The following CEP295 variants were observed in gnomAD, a reference collection of about 807,000 sequenced individuals.
CEP295 encodes the protein centrosomal protein 295, also known as centrosomal protein of 295 kDa.
Under a neutral mutation model 291.6 loss-of-function variants are expected in CEP295, and 190 were observed. The ratio of observed to expected loss-of-function variants is 0.65; its 90% CI spans 0.58 to 0.73. The LOEUF is 0.73. Ranked by LOEUF, CEP295 falls within the 30% of genes least tolerant of loss-of-function variation. The pLI, the probability that CEP295 is intolerant of heterozygous loss-of-function variation, is 0.00. For missense variants in CEP295, 2,863 were observed against 2,949.4 expected (o/e 0.97, Z 0.68); for synonymous variants, 993 against 1,038.8 (o/e 0.96, Z 0.85).
rs141170790 is a variant in CEP295, at chr11:93,687,130, G to T, written c.1115-514G>T. On this transcript the variant is annotated intron_variant, in intron 9 of 29. Coordinates refer to ENST00000325212, the MANE Select transcript of CEP295 (RefSeq NM_033395.2). ...TGAAGGGATCTCTGTGTGAAGATGG[G>T]TGGGAGACATTTTTCCCAGATAGTG... Among the ~76,000 whole-genome samples the T allele has an allele frequency of 2.1e-3, 320 of 152,248 alleles. 3 individuals are homozygous for T. In the South Asian group the frequency reaches 0.026, roughly 12 times the overall value.
intron 9 of CEP295, among the ~76,000 whole-genome samples, chr11:93,685,477 A>G (rs1591017803): frequency 6.6e-6 from 1 of 152,176 alleles, no homozygotes. Context: ...GGCCTTATTC[A>G]TGTCTCCTAT....
chr11:93,706,733 T>C lies in CEP295; in HGVS notation c.5597-12T>C, dbSNP rs1274800638. 5 of 1,504,118 alleles carry C rather than the reference T, an allele frequency of 3.3e-6. No homozygotes were observed. Among genetic ancestry groups the C allele is most frequent in the Non-Finnish European group, 4.4e-6 (5 of 1,125,396 alleles). The allele number at this position is 1,504,118 out of a possible 1,614,324, so 93.2% of individuals were successfully genotyped here. A position where few individuals can be genotyped will look rare whatever the true frequency, so the allele number is the denominator to read the frequency against. On this transcript the variant is annotated splice_polypyrimidine_tract_variant and intron_variant, in intron 17 of 29. Transcript: ENST00000325212. Reference sequence around the variant, plus strand: ...TCCAGAAATTGAAGTGGAAATATTTTTTCCCCCCCAGGTAAACCAGGTATT... The same window carrying C: ...TCCAGAAATTGAAGTGGAAATATTTCTTCCCCCCCAGGTAAACCAGGTATT...
intron 18 of CEP295, among the ~76,000 whole-genome samples, chr11:93,709,002 T>C (rs1323740494): frequency 6.6e-6 from 1 of 152,240 alleles, no homozygotes; most frequent in Admixed American, 6.5e-5. Flanking sequence ...AATTAGATTT[T>C]TTCCTACAGA....
At chr11:93,728,956 T>G in intron 25 of CEP295, 135 bp downstream of exon 25, 2 of 707,606 alleles carry the variant, frequency 2.8e-6, no homozygotes, top group Non-Finnish European at 4.5e-6. Flanking sequence ...CCACCAGCTC[T>G]CAATTTGTCT....
intron 12 of CEP295, among the ~76,000 whole-genome samples, 152 bp downstream of exon 12, chr11:93,692,182 G>T (rs78876349): frequency 6.6e-6 from 1 of 152,192 alleles, no homozygotes; most frequent in Admixed American, 6.5e-5. Flanking sequence ...GATAAAATGC[G>T]TGTTGTCTTT....
intron 22 of CEP295, 53 bp downstream of exon 22, chr11:93,724,428 C>T: frequency 6.7e-7 from 1 of 1,503,120 alleles, no homozygotes; most frequent in Non-Finnish European, 9.0e-7. Flanking sequence ...TAGTTTTAAG[C>T]CATTTCTTCT....
chr11:93,674,906 TTAACA>T (rs1950618213), intron 5 of CEP295, among the ~76,000 whole-genome samples: 1 of 152,232 alleles, frequency 6.6e-6, no homozygotes, highest in East Asian at 1.9e-4. Context: ...TGTGTAATGT[TTAACA>T]CATAGTAGGC....
rs1047139900 is a variant in CEP295 at position 93,698,702 on chromosome 11, C to G, written c.3790C>G (p.Leu1264Val). ...QDNLEEHQAW[L>V]DTEKEAFHFS... Reference sequence around the variant, plus strand: ...TAATTTGGAGGAACACCAAGCATGGCTAGACACTGAGAAAGAAGCCTTTCA... The same window carrying G: ...TAATTTGGAGGAACACCAAGCATGGGTAGACACTGAGAAAGAAGCCTTTCA... The change falls in exon 15 of 30, where the codon CTA (leucine) becomes GTA (valine). Residue 1264 changes from leucine to valine, a missense_variant. This residue lies in a region of CEP295 where 2,295 missense variants were observed against 2,335.7 expected (regional missense o/e 0.98). Transcript: ENST00000325212. The G allele has an allele frequency of 6.4e-7, 1 of 1,551,250 alleles. No individual in the cohort carries two copies. The highest frequency in any genetic ancestry group is 1.2e-5 in the South Asian group (1 of 84,058).
chr11:93,707,166 C>A (rs1238993421), intron 18 of CEP295, among the ~76,000 whole-genome samples: 1 of 151,848 alleles, frequency 6.6e-6, no homozygotes, highest in African/African-American at 2.4e-5. Flanking sequence ...TATGTTTAAG[C>A]CTATTTGTAA....
At chr11:93,689,664 A>G (rs559824007) in intron 10 of CEP295, among the ~76,000 whole-genome samples, 64 of 151,814 alleles carry the variant, frequency 4.2e-4, no homozygotes, top group African/African-American at 1.5e-3. Flanking sequence ...CTTTCCCCCC[A>G]TAGCTCTTAT....
Position 93,699,283 on chromosome 11 carries a change from T to C in CEP295, c.4371T>C (p.Ile1457=), listed in dbSNP as rs1952012159. 1 of 1,551,874 alleles carries C rather than the reference T, an allele frequency of 6.4e-7. No individual in the cohort carries two copies. Residue 1457 remains isoleucine, a synonymous_variant, in exon 15 of 30, where the codon ATT becomes ATC. Transcript: ENST00000325212. The part of the protein sequence containing the change: ...HLVLPQQDNL[I]ALEEHLHAQT... ...TTTTACCTCAACAAGATAATTTGATTGCACTTGAAGAACACTTGCATGCAC... is the reference window on the plus strand; with the variant it reads ...TTTTACCTCAACAAGATAATTTGATCGCACTTGAAGAACACTTGCATGCAC...
At chr11:93,717,623 A>G (rs1016870316) in intron 18 of CEP295, among the ~76,000 whole-genome samples, 1 of 152,306 alleles carries the variant, frequency 6.6e-6, no homozygotes, top group Non-Finnish European at 1.5e-5. Context: ...GTAACTGGTA[A>G]AACAGCAGCA....
At position 93,662,060 on chromosome 11, in the gene CEP295, G is replaced by T. The variant is rs760854268; in HGVS notation, c.-27+286G>T. 3.9e-5 allele frequency among the ~76,000 whole-genome samples: 6 copies of T among 152,192 alleles called. No homozygotes were observed. The South Asian group carries it at 1.0e-3, about 26-fold the overall frequency. ...AGCTTCCCACGCAGCCTCCCCTGTC[G>T]CGGAGCTTCCGTGTCGGGGGAGGGG... On this transcript the variant is annotated intron_variant, in intron 1 of 29. Transcript: ENST00000325212.
At chr11:93,710,165 A>G (rs1952804222) in intron 18 of CEP295, among the ~76,000 whole-genome samples, 1 of 152,114 alleles carries the variant, frequency 6.6e-6, no homozygotes, top group South Asian at 2.1e-4. Flanking sequence ...CAGTACCATT[A>G]ATATGTTGAG....
At chr11:93,721,176 A>G (rs1953686860) in intron 18 of CEP295, 136 bp from the exon 19 acceptor site, 3 of 615,442 alleles carry the variant, frequency 4.9e-6, no homozygotes, top group Admixed American at 5.7e-5. Context: ...ATCTAAGACA[A>G]GACAACTTTA....
intron 25 of CEP295, chr11:93,729,069 G>C: frequency 2.0e-6 from 1 of 508,886 alleles, no homozygotes; most frequent in Non-Finnish European, 3.5e-6. Flanking sequence ...TACACCTAGT[G>C]TTATAGTGCC....
At chr11:93,722,081 T>C in intron 20 of CEP295, 31 bp downstream of exon 20, 6 of 1,322,142 alleles carry the variant, frequency 4.5e-6, no homozygotes, top group Non-Finnish European at 6.4e-6. Context: ...ATAAATAAGT[T>C]GAAAGACCGG....
chr11:93,715,076 C>T (rs1376325838), intron 18 of CEP295, among the ~76,000 whole-genome samples: 1 of 152,206 alleles, frequency 6.6e-6, no homozygotes, highest in African/African-American at 2.4e-5. Flanking sequence ...ATGTCCTTGC[C>T]TTCAGGGTGG....
At chr11:93,726,791 G>C (rs528216112) in intron 23 of CEP295, 185 bp from the exon 24 acceptor site, 2 of 459,100 alleles carry the variant, frequency 4.4e-6, no homozygotes, top group Non-Finnish European at 7.7e-6. Context: ...AATACTTGGT[G>C]TGAGCTGTAG....
Sources: gnomAD v4.1 joint callset for allele counts (sites outside exome capture counted in the v4.1 genomes callset) on GRCh38, gnomAD v4.1.1 for gene constraint, gnomAD v4.1.1 regional missense constraint, MANE v1.5 for transcripts, NCBI Gene and HGNC (gene_info 2026-07-23, HGNC 2026-07-21) for gene names.